Variants in AMPD3 observed in about 807,000 individuals in gnomAD.
AMPD3 encodes adenosine monophosphate deaminase 3.
AMPD3 carries 57 observed loss-of-function variants against 82.3 expected under a neutral mutation model. The observed-to-expected ratio is 0.69, with a 90% CI of 0.56 to 0.86. The LOEUF (loss-of-function observed/expected upper bound fraction) is 0.86. Ranked by LOEUF, AMPD3 falls within the 40% of genes least tolerant of loss-of-function variation. The pLI is 0.00. For synonymous variants in AMPD3, 381 were observed against 394.7 expected (o/e 0.97, Z 0.41); for missense variants, 870 against 1,003.8 (o/e 0.87, Z 1.80).
intron 1 of AMPD3, chr11:10,461,045 G>T: frequency 8.7e-7 from 1 of 1,147,288 alleles, no homozygotes. Context: ...GATTTCCCAG[G>T]GCTCTGCTGT....
At chr11:10,496,357 T>A (rs1375936351) in intron 9 of AMPD3, 45 of 985,328 alleles carry the variant, frequency 4.6e-5, no homozygotes, top group Non-Finnish European at 5.3e-5. Flanking sequence ...TGTAGTGGTC[T>A]ACATTGCTGG....
Position 10,495,591 on chromosome 11 carries a change from G to C in AMPD3, c.1288G>C (p.Glu430Gln). Reference protein sequence around the residue: ...MVKEVARELEESKYQYSEPRL... With the variant: ...MVKEVARELEQSKYQYSEPRL... ...CCAGGAGGTTGCCCGGGAGCTGGAG[G>C]AGAGCAAGTACCAGTACTCAGAGCC... is the stretch of plus-strand genomic sequence containing the variant. Residue 430 changes from glutamate (E) to glutamine (Q), a missense_variant, in exon 9 of 15, where the codon GAG becomes CAG. Physicochemically the swap from Glu to Gln is conservative, Grantham distance 29. Transcript: ENST00000396553. The C allele has an allele frequency of 6.2e-7, 1 of 1,613,278 alleles. No individual in the cohort carries two copies. Among genetic ancestry groups the C allele is most frequent in the Non-Finnish European group, 8.5e-7 (1 of 1,180,036 alleles).
chr11:10,450,950 GC>G (rs1269705599), upstream of AMPD3: 1 of 1,455,554 alleles, frequency 6.9e-7, no homozygotes, highest in Admixed American at 2.4e-5. Context: ...TCAGTGCCCA[GC>G]AGCCCCGCTC....
intron 2 of AMPD3, chr11:10,478,176 T>A: frequency 7.1e-6 from 7 of 985,396 alleles, no homozygotes; most frequent in Non-Finnish European, 8.4e-6. Context: ...CATGATTTGC[T>A]ATTGTCCTCC....
At chr11:10,457,571 A>G (rs1848134344) in intron 1 of AMPD3, among the ~76,000 whole-genome samples, 1 of 152,162 alleles carries the variant, frequency 6.6e-6, no homozygotes, top group African/African-American at 2.4e-5. Context: ...CTGTGTCCTG[A>G]AAAGTATTTT....
rs558374387 is a variant in AMPD3, at chr11:10,478,562, G to T, written c.258G>T (p.Leu86=). ...KSFKMIRSQS[L]SLQMPPQQDW... is the part of the protein sequence containing the mutation. ...TCAAGATGATTCGGTCCCAGTCCCT[G>T]TCTCTGCAAATGCCGCCACAGCAAG... The change falls in exon 3 of 15, where the codon CTG becomes CTT. Residue 86 remains leucine (L), a synonymous_variant. Transcript: ENST00000396553. 1 of 1,614,210 alleles carries T rather than the reference G, an allele frequency of 6.2e-7. No homozygotes were observed. Among genetic ancestry groups the T allele is most frequent in the Admixed American group, 1.7e-5 (1 of 60,024 alleles).
intron 2 of AMPD3, among the ~76,000 whole-genome samples, chr11:10,474,163 C>T (rs1357751594): frequency 6.6e-6 from 1 of 152,204 alleles, no homozygotes; most frequent in Non-Finnish European, 1.5e-5. Flanking sequence ...TCATCTCAGC[C>T]ATCACAGTCG....
chr11:10,467,328 C>T (rs6484302), intron 2 of AMPD3, among the ~76,000 whole-genome samples: 29,724 of 151,944 alleles, frequency 0.2, 3,290 homozygotes, highest in African/African-American at 0.3. Context: ...CATAAATGAC[C>T]TGATGGAGCA....
At chr11:10,490,011 G>A (rs556060298) in intron 6 of AMPD3, among the ~76,000 whole-genome samples, 11 of 152,280 alleles carry the variant, frequency 7.2e-5, no homozygotes, top group African/African-American at 2.4e-4. Context: ...TCTACTATGG[G>A]GAGGAGAGCT....
upstream of AMPD3, among the ~76,000 whole-genome samples, chr11:10,453,259 C>T (rs537876643): frequency 9.8e-5 from 15 of 152,294 alleles, 1 homozygote; most frequent in South Asian, 2.3e-3. Flanking sequence ...CCTGAGTCTA[C>T]GTTTTTAGCC....
chr11:10,504,572 C>T lies in AMPD3; in HGVS notation c.2040C>T (p.Ala680=), dbSNP rs150278490. ...AGGAAGCACTTATGGAAGAATATGCCATTGCAGCTCAAGTGTGGAAGCTGA... is the reference window on the plus strand; with the variant it reads ...AGGAAGCACTTATGGAAGAATATGCTATTGCAGCTCAAGTGTGGAAGCTGA... The part of the protein sequence containing the change: ...YTKEALMEEY[A]IAAQVWKLST... The change falls in exon 14 of 15, where the codon GCC becomes GCT. Residue 680 remains alanine, a synonymous_variant. Transcript: ENST00000396553. 2.8e-5 allele frequency: 46 copies of T among 1,614,042 alleles called. No homozygotes were observed. The highest frequency in any genetic ancestry group is 1.6e-4 in the Middle Eastern group (1 of 6,084).
rs904517913 is a variant in AMPD3 at position 10,469,909 on chromosome 11, G to A, written c.221+8169G>A. Among the ~76,000 whole-genome samples the A allele has an allele frequency of 2.9e-3, 424 of 146,712 alleles. 1 individual carries two copies. The highest frequency in any genetic ancestry group is 0.011 in the African/African-American group (406 of 37,316). On this transcript the variant is annotated intron_variant, in intron 2 of 14. Coordinates refer to ENST00000396553, the MANE Select transcript of AMPD3 (RefSeq NM_001025389.2). ...CAAAAAATTAGCCGGGCGTAGTGGC[G>A]GGCGCCTGTAGTCCCAGCTACTTGG...
intron 2 of AMPD3, chr11:10,477,902 A>G (rs1340621338): frequency 3.2e-5 from 32 of 985,312 alleles, no homozygotes; most frequent in African/African-American, 1.0e-4. Flanking sequence ...CATGGGGCCT[A>G]TGATGCCTGT....
intron 11 of AMPD3, 30 bp downstream of exon 11, chr11:10,500,279 G>C: frequency 1.2e-6 from 2 of 1,613,152 alleles, no homozygotes; most frequent in Non-Finnish European, 8.5e-7. Context: ...GCACATGCTT[G>C]GGTTCATGTG....
intron 12 of AMPD3, chr11:10,502,090 G>C (rs955787524): frequency 7.9e-5 from 78 of 985,282 alleles, no homozygotes; most frequent in Non-Finnish European, 8.6e-5. Flanking sequence ...CCTTTTCACT[G>C]GTGTACCCTT....
At chr11:10,489,650 C>T (rs528898837) in intron 6 of AMPD3, among the ~76,000 whole-genome samples, 121 of 152,092 alleles carry the variant, frequency 8.0e-4, no homozygotes, top group Non-Finnish European at 1.4e-3. Context: ...TGTGCCCGCC[C>T]CTGGGTGCTG....
chr11:10,464,044 C>T (rs1053803990), intron 2 of AMPD3, among the ~76,000 whole-genome samples: 1 of 152,200 alleles, frequency 6.6e-6, no homozygotes, highest in African/African-American at 2.4e-5. Flanking sequence ...CTCTCTGGGC[C>T]TCAGCCTCGT....
chr11:10,478,842 G>A lies in AMPD3; in HGVS notation c.426+112G>A, dbSNP rs1201011309. 4 of 1,222,776 alleles carry A rather than the reference G, an allele frequency of 3.3e-6. No individual in the cohort carries two copies. The South Asian group carries it at 3.8e-5, about 12-fold the overall frequency. The allele number at this position is 1,222,776 out of a possible 1,614,324, so 75.7% of individuals were successfully genotyped here. A position where few individuals can be genotyped will look rare whatever the true frequency, so the allele number is the denominator to read the frequency against. On this transcript the variant is annotated intron_variant, in intron 3 of 14. Transcript: ENST00000396553. ...CCTGGCCCTGTCCGTGGATGTCTGG[G>A]AGAAGGTGAAGAGGAGGCACAGGAG... is the stretch of plus-strand genomic sequence containing the variant.
chr11:10,495,264 C>T, intron 8 of AMPD3: 3 of 985,462 alleles, frequency 3.0e-6, no homozygotes, highest in Non-Finnish European at 3.6e-6. Context: ...TGGCCAAGCT[C>T]ACAGCACCTG....
Sources: gnomAD v4.1 joint callset for allele counts (sites outside exome capture counted in the v4.1 genomes callset) on GRCh38, gnomAD v4.1.1 for gene constraint, MANE v1.5 for transcripts, NCBI Gene and HGNC (gene_info 2026-07-23, HGNC 2026-07-21) for gene names.